HPCAL1: variants seen among roughly 807,000 people sequenced by gnomAD.
The protein encoded by HPCAL1 is hippocalcin-like protein 1.
In HPCAL1, 8 loss-of-function variants were observed where a neutral mutation model predicts 17.1. That is an observed-to-expected ratio of 0.47 (90% confidence interval 0.27 to 0.84). The LOEUF is 0.84. HPCAL1 is among the 40% of genes least tolerant of loss of function. HPCAL1 has a pLI of 0.13. For synonymous variants in HPCAL1, 112 were observed against 111.4 expected (o/e 1.01, Z -0.03); for missense variants, 165 against 271.1 (o/e 0.61, Z 2.75).
At chr2:10,426,407 T>C (rs1434450417) in intron 4 of HPCAL1, 2 of 334,282 alleles carry the variant, frequency 6.0e-6, no homozygotes, top group African/African-American at 4.2e-5. Context: ...TTCTGCACAG[T>C]GTACACGTTC....
At chr2:10,420,208 GCT>G in intron 3 of HPCAL1, 73 bp downstream of exon 3, 10 of 734,128 alleles carry the variant, frequency 1.4e-5, no homozygotes, top group Non-Finnish European at 1.7e-5. Context: ...CCAGCCCAGG[GCT>G]TTTTTTTTTT....
chr2:10,401,862 C>T (rs115682687), intron 2 of HPCAL1, among the ~76,000 whole-genome samples: 84 of 152,200 alleles, frequency 5.5e-4, no homozygotes, highest in African/African-American at 1.8e-3. Context: ...CACCCAAGCC[C>T]GGCGCCAGGC....
At chr2:10,372,547 CAG>C (rs1384480177) in intron 1 of HPCAL1, among the ~76,000 whole-genome samples, 8 of 152,158 alleles carry the variant, frequency 5.3e-5, no homozygotes, top group Middle Eastern at 3.2e-3. Flanking sequence ...GGCTGTGACA[CAG>C]GGGGGCAAGT....
chr2:10,409,577 T>A (rs1207173810), intron 2 of HPCAL1, among the ~76,000 whole-genome samples: 1 of 152,072 alleles, frequency 6.6e-6, no homozygotes, highest in East Asian at 1.9e-4. Context: ...GGTCCAGCGG[T>A]CACCGGGAGA....
At chr2:10,383,421 G>A (rs1321415877) in intron 1 of HPCAL1, among the ~76,000 whole-genome samples, 1 of 152,006 alleles carries the variant, frequency 6.6e-6, no homozygotes, top group Non-Finnish European at 1.5e-5. Context: ...GGAGTGCAGT[G>A]GCACGATCTC....
intron 1 of HPCAL1, among the ~76,000 whole-genome samples, chr2:10,386,190 T>C (rs1240268775): frequency 6.6e-6 from 1 of 152,184 alleles, no homozygotes; most frequent in East Asian, 1.9e-4. Flanking sequence ...CCTTCCATCT[T>C]GCCTGGGCCA....
chr2:10,334,318 T>C (rs902289086), intron 1 of HPCAL1, among the ~76,000 whole-genome samples: 1 of 126,622 alleles, frequency 7.9e-6, no homozygotes, highest in African/African-American at 3.6e-5. Flanking sequence ...CCCTGTTTTG[T>C]TTTGTTTTGT....
rs531129999 is a variant in HPCAL1, at chr2:10,367,018, G to A, written c.-110-29817G>A. Among the ~76,000 whole-genome samples, 3 of 152,192 alleles carry A rather than the reference G, an allele frequency of 2.0e-5. No individual in the cohort carries two copies. The highest frequency in any genetic ancestry group is 7.2e-5 in the African/African-American group (3 of 41,526). On this transcript the variant is annotated intron_variant, in intron 1 of 4. Coordinates refer to ENST00000307845, the MANE Select transcript of HPCAL1 (RefSeq NM_002149.4). This position sits in a 1 kb window ranked among gnomAD's most constrained non-coding sequence, Gnocchi z 4.4. ...TTGGCTGGGCGAGGAGGCTGCCTGA[G>A]ATCCCACAGTGAGGCTGGCCCTGCC...
rs1472997678 is a variant in HPCAL1, at chr2:10,330,012, G to GAC, written c.-111+26835_-111+26836insAC. 2.6e-5 allele frequency among the ~76,000 whole-genome samples: 4 copies of GAC among 152,150 alleles called. No homozygotes were observed. Among genetic ancestry groups the GAC allele is most frequent in the Non-Finnish European group, 5.9e-5 (4 of 68,022 alleles). On this transcript the variant is annotated intron_variant, in intron 1 of 4. Coordinates refer to ENST00000307845, the MANE Select transcript of HPCAL1 (RefSeq NM_002149.4). This position sits in a 1 kb window ranked among gnomAD's most constrained non-coding sequence, Gnocchi z 4.2. ...TCGGGCCACACGGAAGGAGTTCCTG[G>GAC]TCTCGTGACACCTGCACAAATGGTC...
At chr2:10,393,347 T>G (rs7582930) in intron 1 of HPCAL1, among the ~76,000 whole-genome samples, 60,739 of 152,006 alleles carry the variant, frequency 0.4, 12,315 homozygotes, top group South Asian at 0.49. Flanking sequence ...GAGCGCCAAT[T>G]CCTTCAAGGT....
chr2:10,403,969 T>G (rs11688771), intron 2 of HPCAL1, among the ~76,000 whole-genome samples: 70,990 of 151,996 alleles, frequency 0.47, 16,957 homozygotes, highest in South Asian at 0.62. Context: ...TCTGGCTGCC[T>G]CTCCTCCCCA....
chr2:10,406,466 C>CA (rs1669975819), intron 2 of HPCAL1: 2 of 152,340 alleles, frequency 1.3e-5, no homozygotes, highest in African/African-American at 2.4e-5. Context: ...CGTGTGACTA[C>CA]ACCCAGCATG....
At chr2:10,306,893 C>T (rs187290570) in intron 1 of HPCAL1, among the ~76,000 whole-genome samples, 2 of 152,308 alleles carry the variant, frequency 1.3e-5, no homozygotes, top group Admixed American at 1.3e-4. Context: ...TCCCAGAGAC[C>T]TCCACTCTCT....
chr2:10,399,233 C>CGCTGCCGCT (rs765808869), intron 2 of HPCAL1, among the ~76,000 whole-genome samples: 9,791 of 65,334 alleles, frequency 0.15, 707 homozygotes, highest in East Asian at 0.24. Context: ...CCACCACCAC[C>CGCTGCCGCT]ACCACCATCA....
At chr2:10,356,762 T>C (rs1214155089) in intron 1 of HPCAL1, among the ~76,000 whole-genome samples, 20 of 152,076 alleles carry the variant, frequency 1.3e-4, no homozygotes. Flanking sequence ...GCCATGCTCT[T>C]GGTGTTCCCT....
At chr2:10,379,971 A>C (rs1476628802) in intron 1 of HPCAL1, among the ~76,000 whole-genome samples, 1 of 152,170 alleles carries the variant, frequency 6.6e-6, no homozygotes, top group African/African-American at 2.4e-5. Context: ...AGCTCCCCCA[A>C]GTCAGGCATG....
At chr2:10,335,421 G>A (rs141458707) in intron 1 of HPCAL1, among the ~76,000 whole-genome samples, 112 of 152,258 alleles carry the variant, frequency 7.4e-4, no homozygotes, top group African/African-American at 2.5e-3. Context: ...ATCTCCATCC[G>A]CTCCCCACTC....
intron 3 of HPCAL1, among the ~76,000 whole-genome samples, chr2:10,421,171 C>A (rs557705800): frequency 1.3e-5 from 2 of 152,196 alleles, no homozygotes. Flanking sequence ...CCCAGGAATG[C>A]GCAGTCATCA....
chr2:10,332,876 C>T (rs1664473388), intron 1 of HPCAL1, among the ~76,000 whole-genome samples: 1 of 150,114 alleles, frequency 6.7e-6, no homozygotes, highest in Non-Finnish European at 1.5e-5. Flanking sequence ...ACTGACTAAG[C>T]AGGATTCTTG....
Sources: gnomAD v4.1 joint callset for allele counts (sites outside exome capture counted in the v4.1 genomes callset) on GRCh38, gnomAD v4.1.1 for gene constraint, Gnocchi (gnomAD v3.1) non-coding constraint, MANE v1.5 for transcripts, NCBI Gene and HGNC (gene_info 2026-07-23, HGNC 2026-07-21) for gene names.